LIMCH1: variants seen among roughly 807,000 people sequenced by gnomAD.
LIMCH1 encodes the protein LIM and calponin homology domains-containing protein 1.
In LIMCH1, 113 loss-of-function variants were observed where a neutral mutation model predicts 176.5. The ratio of observed to expected loss-of-function variants is 0.64; its 90% CI spans 0.55 to 0.75. LIMCH1 has a LOEUF of 0.75. Among genes scored for constraint, LIMCH1 ranks in the 30% least tolerant of loss-of-function variants. The pLI is 0.00. For missense variants in LIMCH1, 1,674 were observed against 1,814.9 expected (o/e 0.92, Z 1.41); for synonymous variants, 619 against 645.9 (o/e 0.96, Z 0.63).
rs10541362 is a variant in LIMCH1 at position 41,442,654 on chromosome 4, CAAAG to C, written c.97-51878_97-51875del. Among the ~76,000 whole-genome samples the C allele has an allele frequency of 3.5e-3, 530 of 152,240 alleles. 3 individuals carry two copies. Among genetic ancestry groups the C allele is most frequent in the African/African-American group, 0.012 (493 of 41,542 alleles). Reference sequence around the variant, plus strand: ...TCTCCATTTTGGTTGACTGTGTTGACAAAGAAAAAGACTCTGTAACACTCAGAAA... The same window carrying C: ...TCTCCATTTTGGTTGACTGTGTTGACAAAAAGACTCTGTAACACTCAGAAA... On this transcript the variant is annotated intron_variant, in intron 1 of 26. Transcript: ENST00000313860.
intron 3 of LIMCH1, among the ~76,000 whole-genome samples, chr4:41,526,059 A>G (rs571498056): frequency 1.3e-5 from 2 of 152,194 alleles, no homozygotes; most frequent in Non-Finnish European, 2.9e-5. Context: ...TGTTAGGGGC[A>G]CATGCATTTG....
intron 1 of LIMCH1, among the ~76,000 whole-genome samples, chr4:41,427,989 CTG>C (rs2061270714): frequency 6.6e-6 from 1 of 151,298 alleles, no homozygotes; most frequent in Non-Finnish European, 1.5e-5. Flanking sequence ...CTTTTTACCT[CTG>C]TGTATTCAGC....
intron 9 of LIMCH1, among the ~76,000 whole-genome samples, chr4:41,630,437 AT>A (rs1237004113): frequency 1.3e-5 from 2 of 152,178 alleles, no homozygotes; most frequent in Non-Finnish European, 2.9e-5. Context: ...ATGTTTATTT[AT>A]TTTGATAGAC....
At chr4:41,368,478 G>A (rs911553994) in intron 1 of LIMCH1, among the ~76,000 whole-genome samples, 1 of 152,156 alleles carries the variant, frequency 6.6e-6, no homozygotes, top group Non-Finnish European at 1.5e-5. Context: ...CAAAGAATGG[G>A]GCAGGGGGGA....
chr4:41,635,894 C>T (rs2093563187), intron 13 of LIMCH1, among the ~76,000 whole-genome samples: 1 of 152,130 alleles, frequency 6.6e-6, no homozygotes, highest in South Asian at 2.1e-4. Context: ...TATCTTTCTA[C>T]CTACCCCTAC....
intron 3 of LIMCH1, among the ~76,000 whole-genome samples, chr4:41,531,879 G>C (rs1353855766): frequency 1.3e-5 from 2 of 152,170 alleles, no homozygotes; most frequent in Admixed American, 1.3e-4. Flanking sequence ...TTCTTTAGGG[G>C]AACAAGTAAA....
chr4:41,674,714 A>G lies in LIMCH1; in HGVS notation c.3439-1668A>G, dbSNP rs369031802. Among the ~76,000 whole-genome samples the G allele has an allele frequency of 6.8e-4, 104 of 152,306 alleles. 1 individual carries two copies. Among genetic ancestry groups the G allele is most frequent in the African/African-American group, 2.4e-3 (101 of 41,578 alleles). ...GCTCAAAACATTATGTTAGCCTGCA[A>G]TTGGGCAAAATCATCTCACACAAAG... On this transcript the variant is annotated intron_variant, in intron 22 of 31. Coordinates refer to ENST00000503057, the MANE Select transcript of LIMCH1 (RefSeq NM_001330672.2).
chr4:41,586,161 T>G (rs2086438201), intron 1 of LIMCH1, among the ~76,000 whole-genome samples: 1 of 145,796 alleles, frequency 6.9e-6, no homozygotes, highest in Admixed American at 7.0e-5. Context: ...TAGGCTGGAG[T>G]GCAGTAGCGT....
chr4:41,432,193 A>G (rs2061664961), intron 1 of LIMCH1, among the ~76,000 whole-genome samples: 1 of 152,214 alleles, frequency 6.6e-6, no homozygotes, highest in South Asian at 2.1e-4. Context: ...GGGAGGTTAT[A>G]TTGCTGGCTG....
intron 1 of LIMCH1, among the ~76,000 whole-genome samples, chr4:41,414,892 A>G (rs970822267): frequency 1.3e-5 from 2 of 152,224 alleles, no homozygotes; most frequent in South Asian, 2.1e-4. Context: ...AGTAAACACA[A>G]TAGAGTGGTT....
At chr4:41,558,149 G>A (rs1475354411) in intron 1 of LIMCH1, among the ~76,000 whole-genome samples, 4 of 151,946 alleles carry the variant, frequency 2.6e-5, no homozygotes, top group Non-Finnish European at 4.4e-5. Flanking sequence ...ACCCATAAAC[G>A]GTGTGTGCTG....
chr4:41,696,884 A>G (rs1282178113), intron 31 of LIMCH1, among the ~76,000 whole-genome samples: 1 of 152,180 alleles, frequency 6.6e-6, no homozygotes, highest in Non-Finnish European at 1.5e-5. Context: ...AATCCAGAGC[A>G]TTTGATCAAA....
At chr4:41,653,536 G>A (rs2094372826) in intron 18 of LIMCH1, among the ~76,000 whole-genome samples, 1 of 152,182 alleles carries the variant, frequency 6.6e-6, no homozygotes, top group African/African-American at 2.4e-5. Context: ...TCCAAAAACT[G>A]CATTCCCAAC....
chr4:41,671,551 C>T lies in LIMCH1; in HGVS notation c.3398-3C>T. 6.2e-7 allele frequency: 1 copy of T among 1,602,450 alleles called. No homozygotes were observed. The highest frequency in any genetic ancestry group is 8.5e-7 in the Non-Finnish European group (1 of 1,170,626). On this transcript the variant is annotated splice_region_variant and splice_polypyrimidine_tract_variant and intron_variant, in intron 21 of 31. Coordinates refer to ENST00000503057, the MANE Select transcript of LIMCH1 (RefSeq NM_001330672.2). Reference sequence around the variant, plus strand: ...TTTTTTTCTTTCTTTTTTTTCTGTGCAGTGGATTCTCCAAGCAGTGAGAAG... The same window carrying T: ...TTTTTTTCTTTCTTTTTTTTCTGTGTAGTGGATTCTCCAAGCAGTGAGAAG...
chr4:41,434,609 C>G (rs888189677), intron 1 of LIMCH1, among the ~76,000 whole-genome samples: 10 of 152,164 alleles, frequency 6.6e-5, no homozygotes, highest in African/African-American at 2.2e-4. Context: ...CTCCACCTCC[C>G]AAGTTCAGGA....
intron 1 of LIMCH1, among the ~76,000 whole-genome samples, chr4:41,593,221 A>G (rs1299811908): frequency 1.3e-5 from 2 of 152,252 alleles, no homozygotes; most frequent in Admixed American, 6.5e-5. Context: ...CCACAAATCA[A>G]TGAAATGAGA....
chr4:41,637,584 CG>C (rs2093645912), intron 13 of LIMCH1, among the ~76,000 whole-genome samples: 1 of 152,146 alleles, frequency 6.6e-6, no homozygotes. Flanking sequence ...AAGCACCTTC[CG>C]AAACGATACT....
intron 1 of LIMCH1, among the ~76,000 whole-genome samples, chr4:41,492,267 G>A (rs1167227407): frequency 2.0e-5 from 3 of 152,138 alleles, no homozygotes; most frequent in South Asian, 2.1e-4. Flanking sequence ...CAGGAGTGGC[G>A]GTGTGTGCCT....
chr4:41,602,833 T>C (rs1325540249), intron 2 of LIMCH1, among the ~76,000 whole-genome samples: 2 of 151,902 alleles, frequency 1.3e-5, no homozygotes, highest in East Asian at 3.9e-4. Flanking sequence ...CAACAAACCC[T>C]AGCAGATATC....
Sources: allele counts gnomAD v4.1 joint callset (sites outside exome capture counted in the v4.1 genomes callset), GRCh38; gene constraint gnomAD v4.1.1; transcripts MANE v1.5; gene names NCBI Gene and HGNC (gene_info 2026-07-23, HGNC 2026-07-21).